Variants in RGS18 observed in about 807,000 individuals in gnomAD.
The protein encoded by RGS18 is regulator of G-protein signaling 18.
RGS18 carries 22 observed loss-of-function variants against 27.6 expected under a neutral mutation model. The observed-to-expected ratio is 0.80, with a 90% CI of 0.57 to 1.14. RGS18 has a LOEUF of 1.14. Ranked by LOEUF, RGS18 falls within the 50% of genes most tolerant of loss-of-function variation. The pLI, the probability that RGS18 is intolerant of heterozygous loss-of-function variation, is 0.00. For synonymous variants in RGS18, 89 were observed against 84.6 expected, an observed-to-expected ratio of 1.05 and a Z score of -0.29; for missense variants, 299 against 269.6, an observed-to-expected ratio of 1.11 and a Z score of -0.76.
At chr1:192,160,698 T>C (rs1656054517) in intron 3 of RGS18, 1 of 383,058 alleles carries the variant, frequency 2.6e-6, no homozygotes, top group Admixed American at 4.4e-5. Flanking sequence ...AGTTTTTAAA[T>C]TTTTCCGATT....
At chr1:192,159,913 T>C (rs888585151) in intron 2 of RGS18, among the ~76,000 whole-genome samples, 3 of 152,098 alleles carry the variant, frequency 2.0e-5, no homozygotes, top group Admixed American at 2.0e-4. Context: ...TTTGAAACTT[T>C]ATTAGTCAAA....
intron 3 of RGS18, chr1:192,168,468 G>A (rs974550281): frequency 2.6e-5 from 4 of 152,136 alleles, no homozygotes; most frequent in African/African-American, 7.2e-5. Flanking sequence ...CACTTTGAAT[G>A]TCTGTATCAA....
intron 3 of RGS18, among the ~76,000 whole-genome samples, chr1:192,180,244 C>G (rs1199108032): frequency 6.6e-6 from 1 of 151,380 alleles, no homozygotes; most frequent in Non-Finnish European, 1.5e-5. Context: ...TTACTAAAAC[C>G]CTTATGGAGT....
rs1425897397 is a variant in RGS18 at position 192,184,920 on chromosome 1, A to G, written c.*366A>G. ...AGTTGGGATTTTTTACCAAAGCAGC[A>G]TAATATGTGTTATATAAACATAATA... On this transcript the variant is annotated 3_prime_UTR_variant, in exon 5 of 5. Coordinates refer to ENST00000367460, the MANE Select transcript of RGS18 (RefSeq NM_130782.3). The G allele has an allele frequency of 4.7e-6, 1 of 214,756 alleles. No homozygotes were observed. The highest frequency in any genetic ancestry group is 9.4e-6 in the Non-Finnish European group (1 of 106,762). 13.3% of individuals were successfully genotyped at this position (214,756 alleles called of 1,614,324 possible).
At chr1:192,167,147 T>A (rs1366771238) in intron 3 of RGS18, among the ~76,000 whole-genome samples, 1 of 152,124 alleles carries the variant, frequency 6.6e-6, no homozygotes, top group Non-Finnish European at 1.5e-5. Context: ...AGGATGGAAG[T>A]AGAATATGTA....
rs1327280384 is a variant in RGS18 at position 192,158,754 on chromosome 1, C to T, written c.117C>T (p.Ile39=). ...GKEETSKEAK[I]RAKEKRNRLS... ...AAGAAACAAGCAAAGAAGCCAAAAT[C>T]AGGTAAAATTGTACAATTTTAAGTC... The change falls in exon 1 of 5, where the codon ATC becomes ATT. Residue 39 remains isoleucine, a splice_region_variant and synonymous_variant. Coordinates refer to ENST00000367460, the MANE Select transcript of RGS18 (RefSeq NM_130782.3). 1 of 1,546,764 alleles carries T rather than the reference C, an allele frequency of 6.5e-7. No homozygotes were observed. The highest frequency in any genetic ancestry group is 8.7e-7 in the Non-Finnish European group (1 of 1,144,618).
At chr1:192,177,175 C>G (rs959908728) in intron 3 of RGS18, among the ~76,000 whole-genome samples, 13 of 151,672 alleles carry the variant, frequency 8.6e-5, no homozygotes, top group Non-Finnish European at 2.9e-5. Flanking sequence ...TTAATGTCAT[C>G]AAGCTAAGAA....
intron 3 of RGS18, among the ~76,000 whole-genome samples, chr1:192,162,899 A>G (rs1338790528): frequency 1.3e-5 from 2 of 152,180 alleles, no homozygotes; most frequent in African/African-American, 4.8e-5. Context: ...TTTATAATAT[A>G]AGTATTTATT....
chr1:192,159,027 C>G (rs543282798), intron 1 of RGS18, among the ~76,000 whole-genome samples, 193 bp from the exon 2 acceptor site: 1 of 151,990 alleles, frequency 6.6e-6, no homozygotes, highest in South Asian at 2.1e-4. Context: ...ACTTGATTGT[C>G]GGTGAGCAAA....
At chr1:192,168,532 G>C (rs907761603) in intron 3 of RGS18, 3 of 152,168 alleles carry the variant, frequency 2.0e-5, no homozygotes, top group African/African-American at 7.2e-5. Flanking sequence ...TCAGAGCGCA[G>C]CAGATGGCAC....
rs766347654 is a variant in RGS18 at position 192,184,402 on chromosome 1, C to T, written c.556C>T (p.Gln186Ter). 6.8e-6 allele frequency: 11 copies of T among 1,611,706 alleles called. No homozygotes were observed. The highest frequency in any genetic ancestry group is 8.5e-6 in the Non-Finnish European group (10 of 1,178,632). Residue 186 changes from glutamine (Q) to a stop codon, truncating the protein, a stop_gained, in exon 5 of 5, where the codon CAA (glutamine) becomes TAA (stop). Transcript: ENST00000367460. LOFTEE classifies it high-confidence loss of function. ...AAGCAGAGTGTATCAGCTCATGGAA[C>T]AAGACAGTTATACACGTTTTCTGAA... Reference protein sequence around the residue: ...AQSRVYQLMEQDSYTRFLKSD... With the variant: ...AQSRVYQLME
chr1:192,159,238 T>G lies in RGS18; in HGVS notation c.138T>G (p.Asn46Lys). The change falls in exon 2 of 5, where the codon AAT becomes AAG. Residue 46 changes from asparagine (N) to lysine (K), a missense_variant. By Grantham distance (94) the Asn-to-Lys change is moderately conservative. Transcript: ENST00000367460. ...ATTACAGAGCTAAGGAAAAAAGAAA[T>G]AGACTAAGTCTTCTTGTGCAGAAAC... ...EAKIRAKEKR[N>K]RLSLLVQKPE... 1 of 1,612,786 alleles carries G rather than the reference T, an allele frequency of 6.2e-7. No individual in the cohort carries two copies. Among genetic ancestry groups the G allele is most frequent in the Non-Finnish European group, 8.5e-7 (1 of 1,178,912 alleles).
chr1:192,169,774 C>T (rs1252812451), intron 3 of RGS18: 5 of 152,124 alleles, frequency 3.3e-5, no homozygotes, highest in African/African-American at 1.2e-4. Flanking sequence ...TTAAGCAAAG[C>T]ATACTAAGAT....
Position 192,167,481 on chromosome 1 carries a change from G to A in RGS18, c.283+7042G>A, listed in dbSNP as rs567567271. Among the ~76,000 whole-genome samples the A allele has an allele frequency of 1.1e-3, 169 of 151,490 alleles. 1 individual carries two copies. Among genetic ancestry groups the A allele is most frequent in the African/African-American group, 3.8e-3 (156 of 41,258 alleles). On this transcript the variant is annotated intron_variant, in intron 3 of 4. Coordinates refer to ENST00000367460, the MANE Select transcript of RGS18 (RefSeq NM_130782.3). ...GTCACCCAGGCTAGAGTGCAATGAC[G>A]CAATCTCAGCTCACTGCAACCTCCA...
intron 3 of RGS18, among the ~76,000 whole-genome samples, chr1:192,174,788 T>C (rs1557937471): frequency 1.3e-5 from 2 of 151,916 alleles, no homozygotes; most frequent in Non-Finnish European, 2.9e-5. Flanking sequence ...ATACTTTTCA[T>C]TTAATGTGTC....
intron 3 of RGS18, among the ~76,000 whole-genome samples, chr1:192,174,582 G>C (rs1289468664): frequency 1.3e-5 from 2 of 151,728 alleles, no homozygotes; most frequent in African/African-American, 4.8e-5. Flanking sequence ...CATGTATTTT[G>C]AAGCTCTAAA....
At chr1:192,176,931 C>A (rs971922909) in intron 3 of RGS18, among the ~76,000 whole-genome samples, 2 of 151,738 alleles carry the variant, frequency 1.3e-5, no homozygotes, top group African/African-American at 4.8e-5. Context: ...TAGCTTCACA[C>A]GTTCTCAAAA....
intron 3 of RGS18, among the ~76,000 whole-genome samples, chr1:192,161,698 C>T (rs1471638984): frequency 1.3e-5 from 2 of 152,154 alleles, no homozygotes; most frequent in Non-Finnish European, 2.9e-5. Flanking sequence ...ACTACTCTAA[C>T]TACTCCTTGT....
intron 2 of RGS18, among the ~76,000 whole-genome samples, chr1:192,160,142 T>C (rs918250758): frequency 4.6e-5 from 7 of 152,114 alleles, no homozygotes; most frequent in African/African-American, 1.7e-4. Flanking sequence ...AAAACTCACA[T>C]ATCCATGAGA....
Sources: gnomAD v4.1 joint callset for allele counts (sites outside exome capture counted in the v4.1 genomes callset) on GRCh38, gnomAD v4.1.1 for gene constraint, MANE v1.5 for transcripts, NCBI Gene and HGNC (gene_info 2026-07-23, HGNC 2026-07-21) for gene names.